The following MACROD2 variants were observed in gnomAD, a reference collection of about 807,000 sequenced individuals.
The protein encoded by MACROD2 is ADP-ribose glycohydrolase MACROD2.
A neutral mutation model predicts 70.4 loss-of-function variants in MACROD2; 36 were observed. That is an observed-to-expected ratio of 0.51 (90% CI 0.39 to 0.68). The LOEUF is 0.68. MACROD2 is among the 30% of genes least tolerant of loss of function. The pLI is 0.00. For missense variants in MACROD2, 496 were observed against 538.4 expected (o/e 0.92, Z 0.78); for synonymous variants, 172 against 178.8 (o/e 0.96, Z 0.30).
chr20:14,853,173 C>CTGTG (rs147348353), intron 5 of MACROD2, among the ~76,000 whole-genome samples: 14,319 of 149,250 alleles, frequency 0.096, 826 homozygotes, highest in Non-Finnish European at 0.13. Flanking sequence ...GTGTGTGTGT[C>CTGTG]TGTGTGTGTG....
chr20:14,859,074 G>A (rs1780362725), intron 5 of MACROD2, among the ~76,000 whole-genome samples: 1 of 151,992 alleles, frequency 6.6e-6, no homozygotes, highest in Non-Finnish European at 1.5e-5. Flanking sequence ...GGGGACTCAA[G>A]GGGAAGGTTG....
At chr20:15,269,187 T>C (rs1166982565) in intron 6 of MACROD2, among the ~76,000 whole-genome samples, 3 of 152,260 alleles carry the variant, frequency 2.0e-5, no homozygotes, top group Non-Finnish European at 4.4e-5. Flanking sequence ...GGTTAAAAGA[T>C]GTTCAATATT....
At chr20:14,124,663 G>A (rs74729240) in intron 3 of MACROD2, among the ~76,000 whole-genome samples, 4,030 of 152,212 alleles carry the variant, frequency 0.026, 53 homozygotes, top group Non-Finnish European at 0.032. Flanking sequence ...TGCAGAGGAT[G>A]TTGAGAAATT....
chr20:15,191,708 A>G (rs1271125060), intron 5 of MACROD2, among the ~76,000 whole-genome samples: 1 of 152,358 alleles, frequency 6.6e-6, no homozygotes, highest in Admixed American at 6.5e-5. Context: ...TCTGTCGGCT[A>G]TGAAAACAGA....
At chr20:14,770,956 G>T (rs2072157244) in intron 5 of MACROD2, among the ~76,000 whole-genome samples, 1 of 151,946 alleles carries the variant, frequency 6.6e-6, no homozygotes. Context: ...TAGATCATAG[G>T]GTGCCCAGAT....
chr20:14,666,847 A>C (rs1374025928), intron 4 of MACROD2, among the ~76,000 whole-genome samples: 1 of 151,906 alleles, frequency 6.6e-6, no homozygotes, highest in Admixed American at 6.6e-5. Flanking sequence ...GGTAGATTTA[A>C]TAGGTTCCCC....
intron 3 of MACROD2, among the ~76,000 whole-genome samples, chr20:14,470,369 C>T (rs138049831): frequency 6.0e-4 from 91 of 152,288 alleles, no homozygotes; most frequent in African/African-American, 2.1e-3. Flanking sequence ...TGTTTACTCC[C>T]TCTGGAAGGT....
intron 8 of MACROD2, among the ~76,000 whole-genome samples, chr20:15,759,640 C>T (rs1027186704): frequency 1.3e-5 from 2 of 152,156 alleles, no homozygotes; most frequent in Admixed American, 6.5e-5. Context: ...TGCACTCTAC[C>T]GGGAGTTTAA....
At chr20:15,070,911 GAA>G (rs34723701) in intron 5 of MACROD2, among the ~76,000 whole-genome samples, 2 of 127,870 alleles carry the variant, frequency 1.6e-5, no homozygotes, top group African/African-American at 2.8e-5. Flanking sequence ...TTTGTTTTTG[GAA>G]AAAAAAAAAA....
chr20:15,464,019 G>T (rs2146420174), intron 7 of MACROD2, among the ~76,000 whole-genome samples: 1 of 152,196 alleles, frequency 6.6e-6, no homozygotes, highest in Non-Finnish European at 1.5e-5. Flanking sequence ...CACTCATGTT[G>T]CAGCCATCTC....
chr20:14,032,166 C>T (rs533436156), intron 2 of MACROD2, among the ~76,000 whole-genome samples: 330 of 151,792 alleles, frequency 2.2e-3, no homozygotes, highest in Non-Finnish European at 3.2e-3. Flanking sequence ...TTTTAAATGG[C>T]TGTGTATGTT....
At chr20:15,362,192 A>C (rs1374005740) in intron 6 of MACROD2, among the ~76,000 whole-genome samples, 1 of 151,852 alleles carries the variant, frequency 6.6e-6, no homozygotes, top group Non-Finnish European at 1.5e-5. Flanking sequence ...TTATATTTTT[A>C]GTAGAGACGG....
chr20:15,777,488 C>A (rs143804647), intron 8 of MACROD2, among the ~76,000 whole-genome samples: 1 of 145,438 alleles, frequency 6.9e-6, no homozygotes, highest in Non-Finnish European at 1.5e-5. Context: ...CAAGTTGATT[C>A]TTTTTTTTCC....
chr20:14,572,551 T>A (rs1290585797), intron 4 of MACROD2, among the ~76,000 whole-genome samples: 1 of 152,130 alleles, frequency 6.6e-6, no homozygotes, highest in Non-Finnish European at 1.5e-5. Flanking sequence ...TGAAAATGAA[T>A]AGTCTCTAAC....
At chr20:15,652,011 T>C (rs561032053) in intron 8 of MACROD2, among the ~76,000 whole-genome samples, 35 of 152,290 alleles carry the variant, frequency 2.3e-4, no homozygotes, top group African/African-American at 7.2e-4. Flanking sequence ...GTCAGACTTA[T>C]TGCGTGGCCA....
intron 8 of MACROD2, among the ~76,000 whole-genome samples, chr20:15,820,231 T>C (rs2147101395): frequency 6.6e-6 from 1 of 152,274 alleles, no homozygotes; most frequent in South Asian, 2.1e-4. Context: ...GGTCTTGCTC[T>C]GTTACCCAGG....
In MACROD2 at chr20:14,531,261, C is replaced by T. The variant is rs577092730; in HGVS notation, c.301+37753C>T. Among the ~76,000 whole-genome samples, 8 of 152,170 alleles carry T rather than the reference C, an allele frequency of 5.3e-5. No homozygotes were observed. In the South Asian group the frequency reaches 1.7e-3, roughly 32 times the overall value. The stretch of plus-strand genomic sequence containing the variant: ...TCTCTGCGGATACAATTAAGGATCT[C>T]AAGAGGAAATAATCCTGGATTCAGG... On this transcript the variant is annotated intron_variant, in intron 4 of 17. Transcript: ENST00000684519.
At chr20:15,263,920 A>G (rs2077270625) in intron 6 of MACROD2, among the ~76,000 whole-genome samples, 1 of 152,064 alleles carries the variant, frequency 6.6e-6, no homozygotes, top group Admixed American at 6.6e-5. Flanking sequence ...ATCAGTTCTA[A>G]TAGTTTTTTT....
intron 8 of MACROD2, among the ~76,000 whole-genome samples, chr20:15,737,128 G>A (rs2051033440): frequency 6.6e-6 from 1 of 152,160 alleles, no homozygotes; most frequent in Non-Finnish European, 1.5e-5. Flanking sequence ...AAACTAGTAT[G>A]AATCCAACTA....
Sources: allele counts gnomAD v4.1 joint callset (sites outside exome capture counted in the v4.1 genomes callset), GRCh38; gene constraint gnomAD v4.1.1; transcripts MANE v1.5; gene names NCBI Gene and HGNC (gene_info 2026-07-23, HGNC 2026-07-21).